Variants in LRRC7 observed in about 807,000 individuals in gnomAD.
LRRC7 encodes leucine-rich repeat-containing protein 7.
LRRC7 carries 23 observed loss-of-function variants against 175.7 expected under a neutral mutation model. The ratio of observed to expected loss-of-function variants is 0.13; its 90% CI spans 0.09 to 0.19. LRRC7 has a LOEUF of 0.19. Among genes scored for constraint, LRRC7 ranks in the 10% least tolerant of loss-of-function variants. The pLI, the probability that LRRC7 is intolerant of heterozygous loss-of-function variation, is 1.00. For missense variants in LRRC7, 1,354 were observed against 1,904.7 expected, an observed-to-expected ratio of 0.71 and a Z score of 5.38; for synonymous variants, 685 against 680.9, an observed-to-expected ratio of 1.01 and a Z score of -0.09.
At position 70,127,542 on chromosome 1, in the gene LRRC7, C is replaced by T. The variant is rs185499337; in HGVS notation, c.*5655C>T. Among the ~76,000 whole-genome samples, 81 of 152,280 alleles carry T rather than the reference C, an allele frequency of 5.3e-4. No individual in the cohort carries two copies. The highest frequency in any genetic ancestry group is 1.8e-3 in the African/African-American group (73 of 41,572). Reference sequence around the variant, plus strand: ...AAGACCTGAGAGAGGAGAAAATTTACTGGTTAACTTCAGAGGCATTTCTTC... The same window carrying T: ...AAGACCTGAGAGAGGAGAAAATTTATTGGTTAACTTCAGAGGCATTTCTTC... On this transcript the variant is annotated 3_prime_UTR_variant, in exon 27 of 27. Transcript: ENST00000651989.
chr1:69,831,750 A>G (rs1314398886), intron 5 of LRRC7, among the ~76,000 whole-genome samples: 1 of 152,128 alleles, frequency 6.6e-6, no homozygotes, highest in African/African-American at 2.4e-5. Context: ...CTAGAACAAT[A>G]TATTTACAGT....
chr1:69,577,913 G>C (rs965778536), intron 1 of LRRC7, among the ~76,000 whole-genome samples: 7 of 152,042 alleles, frequency 4.6e-5, no homozygotes, highest in Admixed American at 3.9e-4. Flanking sequence ...CCAATTCTTT[G>C]AAGAAAGTCA....
rs1325442242 is a variant in LRRC7 at position 69,996,082 on chromosome 1, G to T, written c.1004+1449G>T. Among the ~76,000 whole-genome samples, 536 of 150,764 alleles carry T rather than the reference G, an allele frequency of 3.6e-3. 2 individuals are homozygous for T. The highest frequency in any genetic ancestry group is 0.012 in the African/African-American group (484 of 40,828). On this transcript the variant is annotated intron_variant, in intron 11 of 26. Transcript: ENST00000651989. ...CAGCACCTGTTGTTTCCTGACTTTT[G>T]AATGATTGCCATTCTAACTGGTGTG... is the stretch of plus-strand genomic sequence containing the variant.
At chr1:69,980,562 A>C (rs1330639992) in intron 9 of LRRC7, 109 bp downstream of exon 9, 3 of 895,262 alleles carry the variant, frequency 3.4e-6, no homozygotes, top group Non-Finnish European at 5.2e-6. Flanking sequence ...AAAGTAAAAT[A>C]ATACTCATTA....
intron 11 of LRRC7, among the ~76,000 whole-genome samples, chr1:69,998,037 CTT>C (rs1320270686): frequency 6.6e-6 from 1 of 152,042 alleles, no homozygotes; most frequent in East Asian, 1.9e-4. Flanking sequence ...GTCCTGGACT[CTT>C]TTTGGTTGAT....
chr1:69,792,576 G>A (rs562421765), intron 4 of LRRC7, among the ~76,000 whole-genome samples: 2 of 151,980 alleles, frequency 1.3e-5, no homozygotes, highest in East Asian at 3.9e-4. Context: ...TTTTCCCCTA[G>A]CACTAACCAT....
chr1:69,571,026 T>G (rs917313354), intron 1 of LRRC7, among the ~76,000 whole-genome samples: 1 of 152,234 alleles, frequency 6.6e-6, no homozygotes, highest in Non-Finnish European at 1.5e-5. Flanking sequence ...CTAAAGTTTT[T>G]AAAAGGTGGT....
At chr1:69,865,249 C>G (rs534862059) in intron 7 of LRRC7, among the ~76,000 whole-genome samples, 1 of 151,952 alleles carries the variant, frequency 6.6e-6, no homozygotes, top group Non-Finnish European at 1.5e-5. Context: ...ATGGTCAATA[C>G]GACATCTGCA....
At chr1:69,890,822 C>T (rs1645811986) in intron 7 of LRRC7, among the ~76,000 whole-genome samples, 1 of 152,220 alleles carries the variant, frequency 6.6e-6, no homozygotes. Flanking sequence ...ATGAAGATGA[C>T]TTATTTCCTT....
At chr1:69,973,055 A>G (rs1652427365) in intron 8 of LRRC7, among the ~76,000 whole-genome samples, 1 of 146,246 alleles carries the variant, frequency 6.8e-6, no homozygotes, top group South Asian at 2.1e-4. Flanking sequence ...ATATAATACT[A>G]TATATATAAA....
chr1:69,655,793 T>G (rs1656522575), intron 1 of LRRC7, among the ~76,000 whole-genome samples: 1 of 152,096 alleles, frequency 6.6e-6, no homozygotes, highest in Non-Finnish European at 1.5e-5. Flanking sequence ...TCACATTACA[T>G]GTAAATGATT....
At chr1:69,919,696 C>A in intron 7 of LRRC7, 1 of 985,534 alleles carries the variant, frequency 1.0e-6, no homozygotes, top group Non-Finnish European at 1.6e-6. Context: ...GCAGCTCGGC[C>A]AAGGCCAGGG....
At chr1:70,116,533 C>T (rs56108385) in intron 26 of LRRC7, among the ~76,000 whole-genome samples, 18,050 of 123,704 alleles carry the variant, frequency 0.15, 1,549 homozygotes, top group African/African-American at 0.28. Context: ...GGCGACAGAG[C>T]AAGACTCCAT....
chr1:70,119,625 G>T (rs538750725), intron 26 of LRRC7, among the ~76,000 whole-genome samples: 100 of 146,876 alleles, frequency 6.8e-4, no homozygotes, highest in Middle Eastern at 7.0e-3. Flanking sequence ...TGATTAATTT[G>T]CTAAGTTTTA....
intron 2 of LRRC7, among the ~76,000 whole-genome samples, chr1:69,709,719 C>T (rs79675361): frequency 0.019 from 2,857 of 152,232 alleles, 72 homozygotes; most frequent in African/African-American, 0.065. Context: ...GAAAGACGGA[C>T]TCTCTGGGGT....
In LRRC7 at chr1:69,910,797, G is replaced by A. The variant is rs540454590; in HGVS notation, c.648-20710G>A. ...TTTGTTTGTCTGTGCCCTGCCCCCA[G>A]AGGTGGAGCCTACAGAGGCAGGCAG... On this transcript the variant is annotated intron_variant, in intron 7 of 26. Coordinates refer to ENST00000651989, the MANE Select transcript of LRRC7 (RefSeq NM_001370785.2). Among the ~76,000 whole-genome samples the A allele has an allele frequency of 2.4e-3, 360 of 152,330 alleles. 1 individual carries two copies. The highest frequency in any genetic ancestry group is 8.3e-3 in the African/African-American group (346 of 41,584).
At chr1:69,594,174 G>T (rs1301733909) in intron 1 of LRRC7, among the ~76,000 whole-genome samples, 2 of 152,042 alleles carry the variant, frequency 1.3e-5, no homozygotes, top group African/African-American at 4.8e-5. Flanking sequence ...TACCCATCTA[G>T]TCTAAACAGA....
intron 4 of LRRC7, among the ~76,000 whole-genome samples, chr1:69,823,329 CTAA>C: frequency 6.6e-6 from 1 of 152,212 alleles, no homozygotes; most frequent in African/African-American, 2.4e-5. Flanking sequence ...GTCTTTTTGC[CTAA>C]TGTTACCACA....
At chr1:70,073,230 C>T (rs1662521125) in intron 23 of LRRC7, among the ~76,000 whole-genome samples, 1 of 151,990 alleles carries the variant, frequency 6.6e-6, no homozygotes, top group African/African-American at 2.4e-5. Context: ...TATTAAATGC[C>T]AGTTACTGTG....
Sources: allele counts gnomAD v4.1 joint callset (sites outside exome capture counted in the v4.1 genomes callset), GRCh38; gene constraint gnomAD v4.1.1; transcripts MANE v1.5; gene names NCBI Gene and HGNC (gene_info 2026-07-23, HGNC 2026-07-21).